Variants in G2E3 observed in about 807,000 individuals in gnomAD.
G2E3 encodes G2/M phase-specific E3 ubiquitin-protein ligase.
G2E3 carries 35 observed loss-of-function variants against 92.8 expected under a neutral mutation model. The ratio of observed to expected loss-of-function variants is 0.38; its 90% CI spans 0.29 to 0.50. G2E3 has a LOEUF of 0.50. Ranked by LOEUF, G2E3 falls within the 20% of genes least tolerant of loss-of-function variation. The probability of loss-of-function intolerance (pLI) is 0.94; values close to 1 mark genes in which losing one functional copy is unlikely to be tolerated. For synonymous variants in G2E3, 242 were observed against 272.4 expected (o/e 0.89, Z 1.10); for missense variants, 554 against 823.8 (o/e 0.67, Z 4.01).
At chr14:30,598,016 C>CACT (rs1881373991) in intron 7 of G2E3, 1 of 156,982 alleles carries the variant, frequency 6.4e-6, no homozygotes, top group Non-Finnish European at 1.4e-5. Context: ...GATAAAATAA[C>CACT]ACTAATGGAT....
chr14:30,589,816 T>G (rs1880905647), intron 4 of G2E3, among the ~76,000 whole-genome samples: 1 of 152,082 alleles, frequency 6.6e-6, no homozygotes, highest in African/African-American at 2.4e-5. Flanking sequence ...ACTCTGCTGT[T>G]CTCTAAACCT....
At chr14:30,559,915 A>G (rs971084748) in intron 1 of G2E3, 1 of 152,266 alleles carries the variant, frequency 6.6e-6, no homozygotes, top group African/African-American at 2.4e-5. Flanking sequence ...CGAGACTCCT[A>G]TTTAAACCGG....
At position 30,589,317 on chromosome 14, in the gene G2E3, T is replaced by C. The variant is rs1880881988; in HGVS notation, c.136-66T>C. On this transcript the variant is annotated intron_variant, in intron 3 of 14. Transcript: ENST00000206595. ...TTTTTATTAGACTGAATAGTATGGA[T>C]ATATATTTTTTTAATGCCCAACTAG... is the stretch of plus-strand genomic sequence containing the variant. 7 of 855,826 alleles carry C rather than the reference T, an allele frequency of 8.2e-6. No individual in the cohort carries two copies. The South Asian group carries it at 9.8e-5, about 12-fold the overall frequency. 53.0% of individuals were successfully genotyped at this position (855,826 alleles called of 1,614,324 possible). A position where few individuals can be genotyped will look rare whatever the true frequency, so the allele number is the denominator to read the frequency against.
intron 6 of G2E3, among the ~76,000 whole-genome samples, chr14:30,595,426 A>T (rs765343180): frequency 1.3e-5 from 2 of 152,214 alleles, no homozygotes; most frequent in Non-Finnish European, 2.9e-5. Flanking sequence ...GTTAATAATT[A>T]AGCAAAGAAA....
At chr14:30,571,796 G>T (rs1242499017) in intron 1 of G2E3, among the ~76,000 whole-genome samples, 1 of 151,752 alleles carries the variant, frequency 6.6e-6, no homozygotes, top group Non-Finnish European at 1.5e-5. Context: ...ATGATCTATT[G>T]AGCTACACAT....
At chr14:30,601,475 A>T (rs552723569) in intron 8 of G2E3, among the ~76,000 whole-genome samples, 1 of 152,110 alleles carries the variant, frequency 6.6e-6, no homozygotes, top group South Asian at 2.1e-4. Flanking sequence ...AGAAAGGAAA[A>T]TTTATTTTCT....
intron 1 of G2E3, among the ~76,000 whole-genome samples, chr14:30,563,378 CCCCATACCACTTAAAGT>C (rs1027312980): frequency 6.6e-6 from 1 of 152,082 alleles, no homozygotes; most frequent in Non-Finnish European, 1.5e-5. Context: ...GGACATAAAG[CCCCATACCACTTAAAGT>C]CCCATACCAC....
At chr14:30,583,067 G>A (rs1399803608) in intron 2 of G2E3, among the ~76,000 whole-genome samples, 1 of 152,162 alleles carries the variant, frequency 6.6e-6, no homozygotes, top group Non-Finnish European at 1.5e-5. Context: ...TTACAGTCCA[G>A]TGTGCATGGT....
chr14:30,582,523 T>C (rs1042083289), intron 2 of G2E3, among the ~76,000 whole-genome samples: 7 of 151,928 alleles, frequency 4.6e-5, no homozygotes, highest in African/African-American at 1.7e-4. Context: ...ATGGCAAGAG[T>C]TTCCCCTCTT....
At chr14:30,569,080 A>C (rs1240271694) in intron 1 of G2E3, among the ~76,000 whole-genome samples, 1 of 152,188 alleles carries the variant, frequency 6.6e-6, no homozygotes, top group East Asian at 1.9e-4. Context: ...CTTTTTATTG[A>C]GGTATAATAT....
At chr14:30,615,715 G>C (rs1882283101) in intron 14 of G2E3, among the ~76,000 whole-genome samples, 176 bp downstream of exon 14, 1 of 152,138 alleles carries the variant, frequency 6.6e-6, no homozygotes, top group South Asian at 2.1e-4. Context: ...TAAAAATAAT[G>C]AGAAAAGATT....
intron 2 of G2E3, among the ~76,000 whole-genome samples, chr14:30,582,447 GA>G (rs1383895499): frequency 6.6e-6 from 1 of 152,194 alleles, no homozygotes; most frequent in Non-Finnish European, 1.5e-5. Flanking sequence ...GAGACAAGGG[GA>G]GAGAGGAACA....
chr14:30,602,176 A>G, intron 10 of G2E3, 45 bp downstream of exon 10: 1 of 1,445,396 alleles, frequency 6.9e-7, no homozygotes, highest in Non-Finnish European at 9.6e-7. Flanking sequence ...CTATTTGGAG[A>G]AAATTATGAT....
Position 30,602,090 on chromosome 14 carries a change from A to G in G2E3, c.969A>G (p.Leu323=). The stretch of plus-strand genomic sequence containing the variant: ...TGTTGGAAGAGTCATCACCTAAATT[A>G]CCCAGACAGTCACCTGGATCCCAGA... ...DCLLEESSPK[L]PRQSPGSQSK... The change falls in exon 10 of 15, where the codon TTA becomes TTG. Residue 323 remains leucine (L), a synonymous_variant. Coordinates refer to ENST00000206595, the MANE Select transcript of G2E3 (RefSeq NM_017769.5). 2.5e-6 allele frequency: 4 copies of G among 1,611,078 alleles called. No individual in the cohort carries two copies. The highest frequency in any genetic ancestry group is 3.4e-6 in the Non-Finnish European group (4 of 1,177,406).
intron 1 of G2E3, among the ~76,000 whole-genome samples, chr14:30,563,273 A>G (rs1879226799): frequency 6.6e-6 from 1 of 152,106 alleles, no homozygotes; most frequent in African/African-American, 2.4e-5. Flanking sequence ...ATCACTTAAG[A>G]CAGTTGCCTA....
intron 3 of G2E3, among the ~76,000 whole-genome samples, chr14:30,587,615 CTT>C (rs1880783984): frequency 6.6e-6 from 1 of 152,158 alleles, no homozygotes; most frequent in Admixed American, 6.5e-5. Flanking sequence ...CAGCTGAAGA[CTT>C]TACTAGGTTG....
chr14:30,576,903 C>A (rs1028637018), intron 1 of G2E3, among the ~76,000 whole-genome samples: 2 of 152,102 alleles, frequency 1.3e-5, no homozygotes, highest in Admixed American at 6.5e-5. Flanking sequence ...TTCAATGTCA[C>A]CTTTTTCAGT....
intron 1 of G2E3, among the ~76,000 whole-genome samples, chr14:30,570,637 T>C (rs1398563059): frequency 6.6e-6 from 1 of 152,172 alleles, no homozygotes; most frequent in Admixed American, 6.5e-5. Context: ...GTAATGAATT[T>C]ATTATTTCAG....
chr14:30,612,515 ATAACT>A lies in G2E3; in HGVS notation c.1673+140_1673+144del, dbSNP rs147861236. 3,340 of 601,734 alleles carry A rather than the reference ATAACT, an allele frequency of 5.6e-3. 109 individuals carry two copies. In the African/African-American group the frequency reaches 0.056, roughly 10 times the overall value. The allele number at this position is 601,734 out of a possible 1,614,324, so 37.3% of individuals were successfully genotyped here. The stretch of plus-strand genomic sequence containing the variant: ...AAAATTTAAATGCTATTTTTAAATA[ATAACT>A]TAAGCCTTTTTAGGATGGTTACTGT... On this transcript the variant is annotated intron_variant, in intron 13 of 14. Transcript: ENST00000206595.
Sources: allele counts gnomAD v4.1 joint callset (sites outside exome capture counted in the v4.1 genomes callset), GRCh38; gene constraint gnomAD v4.1.1; transcripts MANE v1.5; gene names NCBI Gene and HGNC (gene_info 2026-07-23, HGNC 2026-07-21).